The following SREK1IP1 variants were observed in gnomAD, a reference collection of about 807,000 sequenced individuals.
SREK1IP1 encodes the protein protein SREK1IP1.
A neutral mutation model predicts 22.8 loss-of-function variants in SREK1IP1; 12 were observed. The ratio of observed to expected loss-of-function variants is 0.53; its 90% CI spans 0.34 to 0.85. SREK1IP1 has a LOEUF of 0.85. SREK1IP1 is among the 40% of genes least tolerant of loss of function. The pLI is 0.02. For missense variants in SREK1IP1, 147 were observed against 171.8 expected (o/e 0.86, Z 0.81); for synonymous variants, 53 against 52.7 (o/e 1.01, Z -0.02).
At chr5:64,727,459 A>ATG (rs1207308077) in intron 4 of SREK1IP1, among the ~76,000 whole-genome samples, 6 of 147,854 alleles carry the variant, frequency 4.1e-5, no homozygotes, top group Admixed American at 4.0e-4. Context: ...GCCACCATAT[A>ATG]TATATATATA....
At position 64,723,597 on chromosome 5, in the gene SREK1IP1, T is replaced by G. The variant is rs966620712; in HGVS notation, c.*787A>C. Reference sequence around the variant, plus strand: ...TGTAAGACATGCCAATATGGCACATTTGTAAAACAACCCAGGAGTCTATTC... The same window carrying G: ...TGTAAGACATGCCAATATGGCACATGTGTAAAACAACCCAGGAGTCTATTC... On this transcript the variant is annotated 3_prime_UTR_variant, in exon 5 of 5. Coordinates refer to ENST00000513458, the MANE Select transcript of SREK1IP1 (RefSeq NM_173829.4). The G allele has an allele frequency of 9.2e-5, 14 of 152,632 alleles. No homozygotes were observed. Among genetic ancestry groups the G allele is most frequent in the Non-Finnish European group, 1.6e-4 (11 of 68,036 alleles). 9.5% of individuals were successfully genotyped at this position (152,632 alleles called of 1,614,324 possible). A position where few individuals can be genotyped will look rare whatever the true frequency, so the allele number is the denominator to read the frequency against.
intron 4 of SREK1IP1, chr5:64,727,553 A>ATATATATATATTTTTTTTTTTT: frequency 4.7e-4 from 40 of 84,660 alleles, no homozygotes; most frequent in African/African-American, 2.2e-3. Flanking sequence ...ATATATATAT[A>ATATATATATATTTTTTTTTTTT]TTTTTTTTTT....
intron 2 of SREK1IP1, among the ~76,000 whole-genome samples, chr5:64,747,710 C>T (rs1019324439): frequency 8.6e-5 from 13 of 151,864 alleles, no homozygotes; most frequent in Middle Eastern, 3.2e-3. Context: ...GGGTGGATCA[C>T]GAGGTCAGGA....
In SREK1IP1 at chr5:64,719,070, C is replaced by T. The variant is rs1742106714; in HGVS notation, c.*5314G>A. ...AATTTCTACCAAGTACTAAGGTTAT[C>T]TTCTAGACCAGAATTAAGAGAAGTT... On this transcript the variant is annotated 3_prime_UTR_variant, in exon 5 of 5. Transcript: ENST00000513458. The T allele has an allele frequency of 6.6e-6, 1 of 152,204 alleles. No homozygotes were observed. Among genetic ancestry groups the T allele is most frequent in the South Asian group, 2.1e-4 (1 of 4,832 alleles). The allele number at this position is 152,204 out of a possible 1,614,324, so 9.4% of individuals were successfully genotyped here. A position where few individuals can be genotyped will look rare whatever the true frequency, so the allele number is the denominator to read the frequency against.
intron 2 of SREK1IP1, among the ~76,000 whole-genome samples, chr5:64,746,186 A>G (rs1008235712): frequency 2.0e-5 from 3 of 152,136 alleles, no homozygotes; most frequent in African/African-American, 7.2e-5. Context: ...ATGTAGTTGG[A>G]CCCCTCACCT....
At chr5:64,754,587 C>CTTTTT in intron 1 of SREK1IP1, 1 of 446,976 alleles carries the variant, frequency 2.2e-6, no homozygotes, top group Non-Finnish European at 4.1e-6. Flanking sequence ...CCTTAGCCTC[C>CTTTTT]CAAGCAGCTG....
chr5:64,740,984 T>C (rs919965115), intron 3 of SREK1IP1, 73 bp downstream of exon 3: 7 of 1,350,264 alleles, frequency 5.2e-6, no homozygotes, highest in Non-Finnish European at 6.2e-6. Flanking sequence ...TTAGTAAGTA[T>C]AATGGAAAGC....
chr5:64,747,184 G>C (rs1781256835), intron 2 of SREK1IP1, among the ~76,000 whole-genome samples: 1 of 152,102 alleles, frequency 6.6e-6, no homozygotes, highest in South Asian at 2.1e-4. Flanking sequence ...CCATTAGATA[G>C]GCGTGATTGA....
intron 1 of SREK1IP1, among the ~76,000 whole-genome samples, chr5:64,757,908 C>T (rs1162204217): frequency 1.8e-5 from 2 of 114,284 alleles, no homozygotes; most frequent in African/African-American, 3.3e-5. Context: ...CTGCCTCTGT[C>T]GCCCAGGCTG....
chr5:64,721,792 C>T lies in SREK1IP1; in HGVS notation c.*2592G>A, dbSNP rs1235766838. ...GTGTTTATTATATTAATAAATTCAA[C>T]CTTTACTATTATAGAATGTTATAAT... On this transcript the variant is annotated 3_prime_UTR_variant, in exon 5 of 5. Coordinates refer to ENST00000513458, the MANE Select transcript of SREK1IP1 (RefSeq NM_173829.4). 6.6e-6 allele frequency: 1 copy of T among 151,882 alleles called. No individual in the cohort carries two copies. The highest frequency in any genetic ancestry group is 6.6e-5 in the Admixed American group (1 of 15,260). The allele number at this position is 151,882 out of a possible 1,614,324, so 9.4% of individuals were successfully genotyped here. A position where few individuals can be genotyped will look rare whatever the true frequency, so the allele number is the denominator to read the frequency against.
At chr5:64,730,484 A>G (rs1311680386) in intron 3 of SREK1IP1, among the ~76,000 whole-genome samples, 1 of 152,200 alleles carries the variant, frequency 6.6e-6, no homozygotes. Context: ...GGGATAACTG[A>G]AGGAATAAAA....
chr5:64,736,331 T>C (rs928403408), intron 3 of SREK1IP1, among the ~76,000 whole-genome samples: 1 of 152,198 alleles, frequency 6.6e-6, no homozygotes, highest in African/African-American at 2.4e-5. Flanking sequence ...TGTCTACTTG[T>C]GCCATTAGTT....
intron 2 of SREK1IP1, 45 bp from the exon 3 acceptor site, chr5:64,741,245 T>C (rs994922474): frequency 2.6e-6 from 4 of 1,557,204 alleles, no homozygotes; most frequent in African/African-American, 2.8e-5. Context: ...AAACTATAGA[T>C]ACATTATGTA....
chr5:64,756,392 T>C (rs1360771746), intron 1 of SREK1IP1, among the ~76,000 whole-genome samples: 1 of 152,210 alleles, frequency 6.6e-6, no homozygotes, highest in Non-Finnish European at 1.5e-5. Flanking sequence ...TCTAGGTACT[T>C]CATATATAGG....
intron 2 of SREK1IP1, among the ~76,000 whole-genome samples, chr5:64,750,253 C>G (rs766270369): frequency 6.6e-6 from 1 of 152,172 alleles, no homozygotes; most frequent in Admixed American, 6.5e-5. Flanking sequence ...TTTCATCCTT[C>G]TAGCTTTTTC....
At chr5:64,749,045 GAGT>G (rs1742692629) in intron 2 of SREK1IP1, among the ~76,000 whole-genome samples, 1 of 143,262 alleles carries the variant, frequency 7.0e-6, no homozygotes, top group Non-Finnish European at 1.5e-5. Flanking sequence ...CTCCTTCCAG[GAGT>G]AGCTATGCCA....
chr5:64,749,607 T>G (rs1048476510), intron 2 of SREK1IP1, among the ~76,000 whole-genome samples: 4 of 152,098 alleles, frequency 2.6e-5, no homozygotes, highest in Admixed American at 1.3e-4. Context: ...TGGCTAGTTT[T>G]TTTGTTTGTT....
chr5:64,737,460 T>C (rs1742482941), intron 3 of SREK1IP1, among the ~76,000 whole-genome samples: 1 of 144,642 alleles, frequency 6.9e-6, no homozygotes, highest in Admixed American at 7.0e-5. Flanking sequence ...ATATGATAAA[T>C]GATTTTATTA....
At chr5:64,724,666 G>GT in intron 4 of SREK1IP1, 93 bp from the exon 5 acceptor site, 2 of 980,158 alleles carry the variant, frequency 2.0e-6, no homozygotes, top group Non-Finnish European at 2.9e-6. Flanking sequence ...TCTTCTTGGA[G>GT]TAAGGTAGGG....
Sources: gnomAD v4.1 joint callset for allele counts (sites outside exome capture counted in the v4.1 genomes callset) on GRCh38, gnomAD v4.1.1 for gene constraint, MANE v1.5 for transcripts, NCBI Gene and HGNC (gene_info 2026-07-23, HGNC 2026-07-21) for gene names.